The following ZSCAN4 variants were observed in gnomAD, a reference collection of about 807,000 sequenced individuals.
The protein encoded by ZSCAN4 is zinc finger and SCAN domain containing 4.
A neutral mutation model predicts 18.3 loss-of-function variants in ZSCAN4; 18 were observed. The observed-to-expected ratio is 0.98, with a 90% CI of 0.68 to 1.46. The LOEUF (loss-of-function observed/expected upper bound fraction) is 1.46. Ranked by LOEUF, ZSCAN4 falls within the 40% of genes most tolerant of loss-of-function variation. The pLI, the probability that ZSCAN4 is intolerant of heterozygous loss-of-function variation, is 0.00. For synonymous variants in ZSCAN4, 193 were observed against 180.3 expected, an observed-to-expected ratio of 1.07 and a Z score of -0.57; for missense variants, 498 against 511.4, an observed-to-expected ratio of 0.97 and a Z score of 0.25.
chr19:57,665,763 C>T (rs190812001), upstream of ZSCAN4, among the ~76,000 whole-genome samples: 40 of 152,178 alleles, frequency 2.6e-4, no homozygotes, highest in African/African-American at 9.4e-4. Context: ...ACTAAAAATA[C>T]AAAATAAGCT....
chr19:57,671,007 G>T (rs74337716), intron 2 of ZSCAN4, among the ~76,000 whole-genome samples: 2 of 151,668 alleles, frequency 1.3e-5, no homozygotes, highest in Admixed American at 6.6e-5. Context: ...GACCACAGGC[G>T]CACACCACCA....
upstream of ZSCAN4, among the ~76,000 whole-genome samples, chr19:57,667,061 A>AT (rs1463376400): frequency 1.3e-5 from 2 of 152,156 alleles, no homozygotes; most frequent in African/African-American, 2.4e-5. Context: ...CGGGTCATCT[A>AT]TTTTTACCAA....
chr19:57,661,572 G>T, the ZSCAN4 span, among the ~76,000 whole-genome samples: 1 of 152,090 alleles, frequency 6.6e-6, no homozygotes, highest in Non-Finnish European at 1.5e-5. Context: ...GGCATAAGTG[G>T]TTTACTGTAA....
intron 1 of ZSCAN4, among the ~76,000 whole-genome samples, chr19:57,669,574 G>A (rs1983954877): frequency 6.6e-6 from 1 of 151,780 alleles, no homozygotes; most frequent in East Asian, 1.9e-4. Flanking sequence ...CTACAGGCAC[G>A]CGCCACTACG....
chr19:57,678,860 G>A (rs1003387898), exon 5 of ZSCAN4: 1 of 1,611,708 alleles, frequency 6.2e-7, no homozygotes, highest in African/African-American at 1.3e-5. Context: ...GGACTCATGA[G>A]AAAATTACCC....
intron 2 of ZSCAN4, among the ~76,000 whole-genome samples, chr19:57,673,527 G>A (rs1429626207): frequency 1.3e-5 from 2 of 152,080 alleles, no homozygotes; most frequent in Non-Finnish European, 2.9e-5. Flanking sequence ...AGCTACTCAA[G>A]ACGCTAAGGC....
At chr19:57,664,859 G>C (rs73575227), upstream of ZSCAN4, 6,501 of 166,692 alleles carry the variant, frequency 0.039, 431 homozygotes, top group African/African-American at 0.14. Context: ...AAGCTTCAAG[G>C]CTCTGTGAAT....
At chr19:57,664,258 G>T, upstream of ZSCAN4, 1 of 152,872 alleles carries the variant, frequency 6.5e-6, no homozygotes, top group South Asian at 1.9e-4. Context: ...TGAGGGGTCG[G>T]GGGTCGGGGT....
chr19:57,678,889 C>T, exon 5 of ZSCAN4: 3 of 1,596,282 alleles, frequency 1.9e-6, no homozygotes, highest in Non-Finnish European at 2.6e-6. Context: ...GTTCCCTCCA[C>T]ACCAGAAGCT....
exon 5 of ZSCAN4, chr19:57,678,564 T>G (rs1984264286): frequency 6.2e-7 from 1 of 1,613,974 alleles, no homozygotes; most frequent in Admixed American, 1.7e-5. Context: ...CCCCAAGGTC[T>G]TTAAGTATCT....
exon 3 of ZSCAN4, chr19:57,676,359 T>C: frequency 3.7e-6 from 6 of 1,614,212 alleles, no homozygotes; most frequent in Non-Finnish European, 5.1e-6. Flanking sequence ...CTTTCACTCA[T>C]GGCTGCAACC....
chr19:57,674,956 G>GTTTTT (rs11303340), intron 2 of ZSCAN4, among the ~76,000 whole-genome samples: 2 of 128,550 alleles, frequency 1.6e-5, no homozygotes, highest in African/African-American at 6.0e-5. Flanking sequence ...TTCACATCAA[G>GTTTTT]TTTTTTTTTT....
upstream of ZSCAN4, among the ~76,000 whole-genome samples, chr19:57,667,187 G>T (rs1270693230): frequency 1.3e-5 from 2 of 152,088 alleles, no homozygotes; most frequent in Admixed American, 1.3e-4. Flanking sequence ...ATTGTTTTGT[G>T]CCTGTTTATT....
At chr19:57,674,684 C>T (rs1453068053) in intron 2 of ZSCAN4, among the ~76,000 whole-genome samples, 1 of 152,082 alleles carries the variant, frequency 6.6e-6, no homozygotes, top group Non-Finnish European at 1.5e-5. Context: ...TGAGTAGATA[C>T]TGAGCTGGAT....
At chr19:57,666,748 T>C (rs559160032), upstream of ZSCAN4, among the ~76,000 whole-genome samples, 15 of 152,232 alleles carry the variant, frequency 9.9e-5, no homozygotes, top group East Asian at 2.9e-3. Context: ...CCGGGTGTGG[T>C]GGCGCATGCC....
At chr19:57,678,573 C>A in exon 5 of ZSCAN4, 1 of 1,614,062 alleles carries the variant, frequency 6.2e-7, no homozygotes, top group Non-Finnish European at 8.5e-7. Flanking sequence ...CTTTAAGTAT[C>A]TCTGTCACTT....
At chr19:57,676,245 C>G in exon 3 of ZSCAN4, 1 of 1,614,074 alleles carries the variant, frequency 6.2e-7, no homozygotes, top group South Asian at 1.1e-5. Flanking sequence ...ACCTGCTGTT[C>G]AGAGAGAAGA....
upstream of ZSCAN4, among the ~76,000 whole-genome samples, chr19:57,667,755 C>T (rs964239584): frequency 6.6e-6 from 1 of 152,184 alleles, no homozygotes; most frequent in African/African-American, 2.4e-5. Context: ...CTTTTCCTTA[C>T]AGCTCCTTAC....
chr19:57,668,741 G>T (rs1349818453), upstream of ZSCAN4, among the ~76,000 whole-genome samples: 2 of 152,174 alleles, frequency 1.3e-5, no homozygotes, highest in Non-Finnish European at 2.9e-5. Context: ...CTCATGTTAA[G>T]TCTATCAAAC....
Sources: allele counts gnomAD v4.1 joint callset (sites outside exome capture counted in the v4.1 genomes callset), GRCh38; gene constraint gnomAD v4.1.1; transcripts MANE v1.5; gene names NCBI Gene and HGNC (gene_info 2026-07-23, HGNC 2026-07-21).